Variants in LTC4S observed in about 807,000 individuals in gnomAD.
LTC4S encodes LTC4 synthase.
A neutral mutation model predicts 19.6 loss-of-function variants in LTC4S; 18 were observed. That is an observed-to-expected ratio of 0.92 (90% CI 0.64 to 1.36). The LOEUF is 1.36. Among genes scored for constraint, LTC4S ranks in the 40% most tolerant of loss-of-function variants. LTC4S has a pLI of 0.00. For synonymous variants in LTC4S, 126 were observed against 110.1 expected, an observed-to-expected ratio of 1.14 and a Z score of -0.91; for missense variants, 235 against 212.2, an observed-to-expected ratio of 1.11 and a Z score of -0.67.
In LTC4S at chr5:179,796,453, CG is replaced by C; in HGVS notation, c.*63del. On this transcript the variant is annotated 3_prime_UTR_variant, in exon 5 of 5. Transcript: ENST00000292596. The stretch of plus-strand genomic sequence containing the variant: ...GAAGAGCCGGAGCCTCCAGCTGCCC[CG>C]GGGAGGGGCGCTCGCTTCCGCATCC... 3 of 1,426,108 alleles carry C rather than the reference CG, an allele frequency of 2.1e-6. No homozygotes were observed. Among genetic ancestry groups the C allele is most frequent in the South Asian group, 2.8e-5 (2 of 72,316 alleles). 88.3% of individuals were successfully genotyped at this position (1,426,108 alleles called of 1,614,324 possible).
chr5:179,795,485 A>T, intron 1 of LTC4S, 99 bp from the exon 2 acceptor site: 1 of 1,527,868 alleles, frequency 6.5e-7, no homozygotes, highest in Non-Finnish European at 8.8e-7. Context: ...GGAGGAGAGG[A>T]CACGGCCAAG....
chr5:179,795,401 G>C, intron 1 of LTC4S, 183 bp from the exon 2 acceptor site: 7 of 1,445,306 alleles, frequency 4.8e-6, no homozygotes, highest in Non-Finnish European at 6.4e-6. Context: ...TGAATGTCAG[G>C]GACACAGGGC....
At position 179,796,328 on chromosome 5, in the gene LTC4S, C is replaced by G; in HGVS notation, c.387C>G (p.His129Gln). The change falls in exon 5 of 5, where the codon CAC becomes CAG. Residue 129 changes from histidine (H) to glutamine (Q), a missense_variant. By Grantham distance (24) the His-to-Gln change is conservative. Coordinates refer to ENST00000292596, the MANE Select transcript of LTC4S (RefSeq NM_145867.2). ...TGGCTGCGCTCGGCCTGCTCGCCCACTTCCTCCCGGCCGCGCTGCGCGCCG... is the reference window on the plus strand; with the variant it reads ...TGGCTGCGCTCGGCCTGCTCGCCCAGTTCCTCCCGGCCGCGCTGCGCGCCG... The part of the protein sequence containing the change: ...VALAALGLLA[H>Q]FLPAALRAAL... 1 of 1,487,346 alleles carries G rather than the reference C, an allele frequency of 6.7e-7. No individual in the cohort carries two copies. Among genetic ancestry groups the G allele is most frequent in the East Asian group, 2.8e-5 (1 of 35,306 alleles). The allele number at this position is 1,487,346 out of a possible 1,614,324, so 92.1% of individuals were successfully genotyped here. A position where few individuals can be genotyped will look rare whatever the true frequency, so the allele number is the denominator to read the frequency against.
At chr5:179,796,156 C>A in intron 4 of LTC4S, 97 bp from the exon 5 acceptor site, 1 of 1,262,358 alleles carries the variant, frequency 7.9e-7, no homozygotes, top group Non-Finnish European at 1.0e-6. Context: ...GTGGGCGAGC[C>A]CTGGCGGCGG....
intron 4 of LTC4S, 103 bp downstream of exon 4, chr5:179,796,125 C>A: frequency 7.8e-7 from 1 of 1,279,926 alleles, no homozygotes; most frequent in Non-Finnish European, 1.0e-6. Context: ...CGGGCCGGAG[C>A]CCAGCGCCTT....
At position 179,796,418 on chromosome 5, in the gene LTC4S, A is replaced by G. The variant is rs751908833; in HGVS notation, c.*24A>G. ...GAGACCAAGGCCCCCGGGCCGACGG[A>G]GCCGGGAAAGAAGAGCCGGAGCCTC... On this transcript the variant is annotated 3_prime_UTR_variant, in exon 5 of 5. Transcript: ENST00000292596. 1 of 1,474,684 alleles carries G rather than the reference A, an allele frequency of 6.8e-7. No individual in the cohort carries two copies. Among genetic ancestry groups the G allele is most frequent in the South Asian group, 1.3e-5 (1 of 78,462 alleles). 91.3% of individuals were successfully genotyped at this position (1,474,684 alleles called of 1,614,324 possible).
At position 179,796,307 on chromosome 5, in the gene LTC4S, T is replaced by A. The variant is rs1282616663; in HGVS notation, c.366T>A (p.Ala122=). Residue 122 remains alanine, a synonymous_variant, in exon 5 of 5, where the codon GCT becomes GCA. Transcript: ENST00000292596. ...CCCTCTGGCTGCTGGTGGCGCTGGC[T>A]GCGCTCGGCCTGCTCGCCCACTTCC... is the stretch of plus-strand genomic sequence containing the variant. ...ARALWLLVAL[A]ALGLLAHFLP... 16 of 1,475,686 alleles carry A rather than the reference T, an allele frequency of 1.1e-5. No individual in the cohort carries two copies. The Admixed American group carries it at 3.5e-4, about 33-fold the overall frequency. 91.4% of individuals were successfully genotyped at this position (1,475,686 alleles called of 1,614,324 possible).
Position 179,796,362 on chromosome 5 carries a change from G to C in LTC4S, c.421G>C (p.Gly141Arg). The C allele has an allele frequency of 2.0e-6, 3 of 1,492,166 alleles. No individual in the cohort carries two copies. Among genetic ancestry groups the C allele is most frequent in the Non-Finnish European group, 2.7e-6 (3 of 1,128,676 alleles). The allele number at this position is 1,492,166 out of a possible 1,614,324, so 92.4% of individuals were successfully genotyped here. The change falls in exon 5 of 5, where the codon GGA (glycine) becomes CGA (arginine). Residue 141 changes from glycine (G) to arginine (R), a missense_variant. Gly to Arg is a moderately radical substitution (Grantham distance 125). Transcript: ENST00000292596. ...LPAALRAALL[G>R]RLRTLLPWA ...GGCCGCGCTGCGCGCCGCGCTCCTC[G>C]GACGGCTCCGGACGCTGCTGCCGTG...
chr5:179,795,389 G>A, intron 1 of LTC4S, 195 bp from the exon 2 acceptor site: 1 of 1,435,772 alleles, frequency 7.0e-7, no homozygotes, highest in Non-Finnish European at 9.1e-7. Context: ...TGCCCTCCTC[G>A]CTGAATGTCA....
chr5:179,794,477 T>G (rs779803845), intron 1 of LTC4S, among the ~76,000 whole-genome samples: 2 of 152,086 alleles, frequency 1.3e-5, no homozygotes, highest in African/African-American at 4.8e-5. Context: ...TGGAGCAGGG[T>G]AGAGGTGGGA....
chr5:179,795,904 G>A (rs1756598010), intron 3 of LTC4S, 37 bp from the exon 4 acceptor site: 3 of 1,589,362 alleles, frequency 1.9e-6, no homozygotes, highest in Admixed American at 1.7e-5. Flanking sequence ...CGGGACCCGC[G>A]CAGGGCGCTC....
At chr5:179,796,196 GC>G in intron 4 of LTC4S, 56 bp from the exon 5 acceptor site, 1 of 1,351,996 alleles carries the variant, frequency 7.4e-7, no homozygotes, top group Admixed American at 2.8e-5. Flanking sequence ...GGCCAGGGTT[GC>G]GGCGGGGAAG....
chr5:179,795,429 G>A, intron 1 of LTC4S, 155 bp from the exon 2 acceptor site: 4 of 1,481,066 alleles, frequency 2.7e-6, no homozygotes, highest in Non-Finnish European at 3.6e-6. Context: ...GGATGGGTGA[G>A]ACGAGAGGTC....
rs1338583192 is a variant in LTC4S, at chr5:179,795,392, G to A, written c.59-192G>A. On this transcript the variant is annotated intron_variant, in intron 1 of 4. Coordinates refer to ENST00000292596, the MANE Select transcript of LTC4S (RefSeq NM_145867.2). ...AGGCTTCAGCCCTGCCCTCCTCGCTGAATGTCAGGGACACAGGGCAGGCCA... is the reference window on the plus strand; with the variant it reads ...AGGCTTCAGCCCTGCCCTCCTCGCTAAATGTCAGGGACACAGGGCAGGCCA... 2.8e-6 allele frequency: 4 copies of A among 1,436,844 alleles called. No homozygotes were observed. In the African/African-American group the frequency reaches 5.8e-5, roughly 21 times the overall value. The allele number at this position is 1,436,844 out of a possible 1,614,324, so 89.0% of individuals were successfully genotyped here.
At position 179,795,628 on chromosome 5, in the gene LTC4S, G is replaced by A. The variant is rs1236655977; in HGVS notation, c.103G>A (p.Val35Met). 1.2e-6 allele frequency: 2 copies of A among 1,609,880 alleles called. No homozygotes were observed. The highest frequency in any genetic ancestry group is 1.1e-5 in the South Asian group (1 of 90,690). The change falls in exon 2 of 5, where the codon GTG becomes ATG. Residue 35 changes from valine (V) to methionine (M), a missense_variant. Transcript: ENST00000292596. ...GATCTCGGCGCGCAGGGCCTTCCGC[G>A]TGTCGCCGCCGCTCACCACCGGCCC... ...QVISARRAFR[V>M]SPPLTTGPPE...
Position 179,795,978 on chromosome 5 carries a change from G to T in LTC4S, c.267G>T (p.Ala89=). 1.3e-6 allele frequency: 2 copies of T among 1,542,894 alleles called. No individual in the cohort carries two copies. Among genetic ancestry groups the T allele is most frequent in the Non-Finnish European group, 1.7e-6 (2 of 1,150,516 alleles). Residue 89 remains alanine, a synonymous_variant, in exon 4 of 5, where the codon GCG becomes GCT. Transcript: ENST00000292596. The part of the protein sequence containing the change: ...AALCGLVYLF[A]RLRYFQGYAR... ...TGTGCGGCCTGGTCTACCTGTTCGC[G>T]CGCCTCCGCTACTTCCAGGGCTACG...
Position 179,795,857 on chromosome 5 carries a change from G to A in LTC4S, c.229+1G>A, listed in dbSNP as rs137887093. On this transcript the variant is annotated splice_donor_variant, in intron 3 of 4. Coordinates refer to ENST00000292596, the MANE Select transcript of LTC4S (RefSeq NM_145867.2). LOFTEE classifies it high-confidence loss of function. The stretch of plus-strand genomic sequence containing the variant: ...GTCGCCGGCATCTTCTTTCATGAAG[G>A]TCGGGGTGTGGGGCAGGGGCGCACG... 4,380 of 1,605,980 alleles carry A rather than the reference G, an allele frequency of 2.7e-3. 5 individuals are homozygous for A. The highest frequency in any genetic ancestry group is 3.0e-3 in the Non-Finnish European group (3,561 of 1,178,122).
chr5:179,794,041 C>A lies in LTC4S; in HGVS notation c.-40C>A. 6.2e-7 allele frequency: 1 copy of A among 1,613,202 alleles called. No homozygotes were observed. On this transcript the variant is annotated 5_prime_UTR_variant, in exon 1 of 5. Transcript: ENST00000292596. ...AGACGGGGCTAAGCGTTCCCCAGCT[C>A]GCCTTCACACACAGCCCGTGCCACC...
rs975964779 is a variant in LTC4S at position 179,796,091 on chromosome 5, G to C, written c.311+69G>C. ...CGGGCGGGCGGGGCTCCTGGGGAGC[G>C]GGACCGAAGCTGGGGGCGGGCGACG... On this transcript the variant is annotated intron_variant, in intron 4 of 4. Transcript: ENST00000292596. The C allele has an allele frequency of 1.4e-5, 20 of 1,390,534 alleles. No individual in the cohort carries two copies. The East Asian group carries it at 4.6e-4, about 32-fold the overall frequency. 86.1% of individuals were successfully genotyped at this position (1,390,534 alleles called of 1,614,324 possible). A position where few individuals can be genotyped will look rare whatever the true frequency, so the allele number is the denominator to read the frequency against.
Sources: gnomAD v4.1 joint callset for allele counts (sites outside exome capture counted in the v4.1 genomes callset) on GRCh38, gnomAD v4.1.1 for gene constraint, MANE v1.5 for transcripts, NCBI Gene and HGNC (gene_info 2026-07-23, HGNC 2026-07-21) for gene names.